Variants in ASTN2 observed in about 807,000 individuals in gnomAD.
The protein encoded by ASTN2 is astrotactin 2, also known as astrotactin-2.
ASTN2 carries 54 observed loss-of-function variants against 139.8 expected under a neutral mutation model. The observed-to-expected ratio is 0.39, with a 90% CI of 0.31 to 0.48. The LOEUF (loss-of-function observed/expected upper bound fraction) is 0.48. Ranked by LOEUF, ASTN2 falls within the 20% of genes least tolerant of loss-of-function variation. The pLI is 0.95. For synonymous variants in ASTN2, 756 were observed against 719.5 expected, an observed-to-expected ratio of 1.05 and a Z score of -0.81; for missense variants, 1,565 against 1,725.1, an observed-to-expected ratio of 0.91 and a Z score of 1.64.
At chr9:116,470,004 A>G (rs1848764513) in intron 20 of ASTN2, among the ~76,000 whole-genome samples, 1 of 152,066 alleles carries the variant, frequency 6.6e-6, no homozygotes, top group African/African-American at 2.4e-5. Context: ...CAGGAGTTCG[A>G]GACCAGCCTG....
intron 19 of ASTN2, among the ~76,000 whole-genome samples, chr9:116,577,697 G>C (rs1434530570): frequency 6.6e-6 from 1 of 152,184 alleles, no homozygotes; most frequent in African/African-American, 2.4e-5. Flanking sequence ...AACAAGTGAT[G>C]TTAGTTATCT....
At chr9:117,396,968 G>A (rs1480075971) in intron 1 of ASTN2, among the ~76,000 whole-genome samples, 3 of 142,782 alleles carry the variant, frequency 2.1e-5, no homozygotes. Flanking sequence ...TTGAGGGGGA[G>A]TCTCGCTTTG....
At chr9:116,467,522 C>T (rs896302615) in intron 20 of ASTN2, among the ~76,000 whole-genome samples, 2 of 152,230 alleles carry the variant, frequency 1.3e-5, no homozygotes, top group African/African-American at 4.8e-5. Context: ...GCCTCAGCCT[C>T]CCAAAGTGCT....
intron 13 of ASTN2, among the ~76,000 whole-genome samples, chr9:116,738,542 A>C (rs1226282456): frequency 6.6e-6 from 1 of 152,130 alleles, no homozygotes; most frequent in Non-Finnish European, 1.5e-5. Flanking sequence ...GTGCCCTAAA[A>C]TCTCAGCAAT....
intron 5 of ASTN2, among the ~76,000 whole-genome samples, chr9:117,079,469 T>C (rs1258686799): frequency 6.6e-6 from 1 of 152,172 alleles, no homozygotes; most frequent in Non-Finnish European, 1.5e-5. Context: ...ATTTATTATT[T>C]AAACCTAAGT....
chr9:116,482,689 TCTC>T (rs1207382486), intron 20 of ASTN2, among the ~76,000 whole-genome samples: 4 of 151,986 alleles, frequency 2.6e-5, no homozygotes, highest in African/African-American at 9.7e-5. Context: ...TGCCCTCCCT[TCTC>T]CGGGGCTTTG....
At chr9:117,012,609 T>C (rs1460562937) in intron 6 of ASTN2, among the ~76,000 whole-genome samples, 1 of 152,146 alleles carries the variant, frequency 6.6e-6, no homozygotes, top group Non-Finnish European at 1.5e-5. Flanking sequence ...ATAGGCATTG[T>C]CTTTGGATAT....
intron 19 of ASTN2, among the ~76,000 whole-genome samples, chr9:116,522,520 G>T (rs1291420262): frequency 6.6e-6 from 1 of 152,104 alleles, no homozygotes; most frequent in Admixed American, 6.6e-5. Flanking sequence ...GGGGGAAAGG[G>T]TGAGGGGTGG....
At chr9:116,610,462 G>A (rs988435715) in intron 19 of ASTN2, among the ~76,000 whole-genome samples, 3 of 152,096 alleles carry the variant, frequency 2.0e-5, no homozygotes, top group African/African-American at 7.2e-5. Flanking sequence ...AAAATTAGCT[G>A]GGGTGGTGGC....
intron 5 of ASTN2, among the ~76,000 whole-genome samples, chr9:117,052,544 TTTAAGAC>T (rs2132670414): frequency 6.6e-6 from 1 of 152,102 alleles, no homozygotes; most frequent in East Asian, 1.9e-4. Context: ...CATCAACAAA[TTTAAGAC>T]CAATACATAT....
At chr9:116,443,479 C>T (rs1048437576) in intron 20 of ASTN2, among the ~76,000 whole-genome samples, 4 of 152,160 alleles carry the variant, frequency 2.6e-5, no homozygotes, top group African/African-American at 9.7e-5. Context: ...GAAGCAGACA[C>T]AGCCTGTGTG....
At chr9:117,271,163 A>G (rs1460461619) in intron 2 of ASTN2, among the ~76,000 whole-genome samples, 2 of 152,338 alleles carry the variant, frequency 1.3e-5, no homozygotes, top group East Asian at 3.9e-4. Context: ...TTTGACTTAC[A>G]GTTCCACATG....
At chr9:117,008,525 T>G (rs1021608456) in intron 6 of ASTN2, among the ~76,000 whole-genome samples, 1 of 152,132 alleles carries the variant, frequency 6.6e-6, no homozygotes, top group African/African-American at 2.4e-5. Flanking sequence ...AATCTGCCCT[T>G]ACTAGGCATT....
At chr9:117,341,380 A>G (rs756534451) in intron 1 of ASTN2, among the ~76,000 whole-genome samples, 1 of 152,212 alleles carries the variant, frequency 6.6e-6, no homozygotes, top group Non-Finnish European at 1.5e-5. Flanking sequence ...GGTGAGAGAC[A>G]TAGACAGACA....
At chr9:116,580,132 T>C (rs1247520842) in intron 19 of ASTN2, among the ~76,000 whole-genome samples, 3 of 152,196 alleles carry the variant, frequency 2.0e-5, no homozygotes, top group African/African-American at 7.2e-5. Flanking sequence ...TCACATTATC[T>C]TTAAAGTAAG....
intron 19 of ASTN2, among the ~76,000 whole-genome samples, chr9:116,537,700 A>G (rs1461713703): frequency 6.6e-6 from 1 of 152,202 alleles, no homozygotes; most frequent in Non-Finnish European, 1.5e-5. Flanking sequence ...AAAATCAGAG[A>G]ACTCCACTGA....
chr9:117,345,064 T>A (rs777160848), intron 1 of ASTN2, among the ~76,000 whole-genome samples: 4 of 151,812 alleles, frequency 2.6e-5, no homozygotes, highest in Non-Finnish European at 4.4e-5. Context: ...GGTGGGAGGG[T>A]CCATGGAGAT....
chr9:117,034,579 G>T (rs774925909), intron 6 of ASTN2, among the ~76,000 whole-genome samples: 1 of 152,152 alleles, frequency 6.6e-6, no homozygotes, highest in Non-Finnish European at 1.5e-5. Context: ...AACACTTAAA[G>T]AATTATTGAC....
chr9:117,200,081 A>G (rs1831653003), intron 3 of ASTN2, among the ~76,000 whole-genome samples: 2 of 150,480 alleles, frequency 1.3e-5, no homozygotes, highest in South Asian at 4.2e-4. Context: ...ATTATTTTTT[A>G]AATTTTATTA....
Sources: gnomAD v4.1 joint callset for allele counts (sites outside exome capture counted in the v4.1 genomes callset) on GRCh38, gnomAD v4.1.1 for gene constraint, MANE v1.5 for transcripts, NCBI Gene and HGNC (gene_info 2026-07-23, HGNC 2026-07-21) for gene names.